The following NR2C2 variants were observed in gnomAD, a reference collection of about 807,000 sequenced individuals.
The protein encoded by NR2C2 is nuclear receptor subfamily 2 group C member 2.
Under a neutral mutation model 62.9 loss-of-function variants are expected in NR2C2, and 6 were observed. The ratio of observed to expected loss-of-function variants is 0.10; its 90% confidence interval spans 0.05 to 0.19. The LOEUF (loss-of-function observed/expected upper bound fraction) is 0.19. NR2C2 is among the 10% of genes least tolerant of loss of function. The probability of loss-of-function intolerance (pLI) is 1.00; values close to 1 mark genes in which losing one functional copy is unlikely to be tolerated. For missense variants in NR2C2, 479 were observed against 762.7 expected (o/e 0.63, Z 4.38); for synonymous variants, 272 against 273.8 (o/e 0.99, Z 0.07).
chr3:14,956,832 C>T lies in NR2C2; in HGVS notation c.-40+8926C>T, dbSNP rs945094091. Among the ~76,000 whole-genome samples, 9 of 152,342 alleles carry T rather than the reference C, an allele frequency of 5.9e-5. No homozygotes were observed. The East Asian group carries it at 1.2e-3, about 20-fold the overall frequency. On this transcript the variant is annotated intron_variant, in intron 1 of 13. Coordinates refer to ENST00000425241, the MANE Select transcript of NR2C2 (RefSeq NM_001291694.2). ...CTGGGATTACAGGCATGAGCCACCG[C>T]CCCGGCTGTGTGTGTGTTTACACTA...
intron 2 of NR2C2, among the ~76,000 whole-genome samples, chr3:15,012,139 A>T (rs1209113023): frequency 6.6e-6 from 1 of 152,058 alleles, no homozygotes; most frequent in African/African-American, 2.4e-5. Context: ...ATTTTGAGCC[A>T]GCCAACATTG....
At chr3:14,954,430 A>G (rs1003775604) in intron 1 of NR2C2, among the ~76,000 whole-genome samples, 1 of 152,226 alleles carries the variant, frequency 6.6e-6, no homozygotes, top group African/African-American at 2.4e-5. Context: ...GCATGTGTGA[A>G]AATGTTCATA....
intron 1 of NR2C2, among the ~76,000 whole-genome samples, chr3:14,977,477 C>G (rs1026631536): frequency 2.6e-5 from 4 of 152,036 alleles, no homozygotes; most frequent in Non-Finnish European, 5.9e-5. Context: ...ATTTTTATAG[C>G]AACTTTTTCT....
Position 15,002,645 on chromosome 3 carries a change from C to CTTTTTTT in NR2C2, c.-39-1207_-39-1201dup, listed in dbSNP as rs371981775. Among the ~76,000 whole-genome samples, 30 of 39,504 alleles carry CTTTTTTT rather than the reference C, an allele frequency of 7.6e-4. 6 individuals are homozygous for CTTTTTTT. The highest frequency in any genetic ancestry group is 1.7e-3 in the African/African-American group (20 of 11,628). The allele number at this position is 39,504 out of a possible 152,430, so 25.9% of individuals were successfully genotyped here. On this transcript the variant is annotated intron_variant, in intron 1 of 13. Transcript: ENST00000425241. ...TTTTTTGTGAAGTGTTCACAATATA[C>CTTTTTTT]TTTTTTTTTTTTTTTTTTTTTTTTT...
intron 1 of NR2C2, among the ~76,000 whole-genome samples, chr3:14,952,011 G>T (rs1448485155): frequency 1.3e-5 from 2 of 152,222 alleles, no homozygotes; most frequent in Non-Finnish European, 2.9e-5. Flanking sequence ...CTCCCAAAGT[G>T]CTGGGATTAC....
chr3:15,029,375 GT>G (rs146608093), intron 8 of NR2C2, among the ~76,000 whole-genome samples: 3,172 of 152,254 alleles, frequency 0.021, 47 homozygotes, highest in South Asian at 0.048. Flanking sequence ...TACTAAGGAT[GT>G]TTCTTCTCTG....
At chr3:14,959,679 A>G (rs566351179) in intron 1 of NR2C2, 2 of 152,324 alleles carry the variant, frequency 1.3e-5, no homozygotes, top group South Asian at 2.1e-4. Context: ...TTGCTGCTCA[A>G]TTCAAGTGTA....
At chr3:15,022,204 T>A (rs1286333587) in intron 5 of NR2C2, among the ~76,000 whole-genome samples, 1 of 152,220 alleles carries the variant, frequency 6.6e-6, no homozygotes, top group Admixed American at 6.5e-5. Context: ...CTAACATGCA[T>A]ATCTGCTCTT....
At chr3:14,988,065 G>A (rs2040558871) in intron 1 of NR2C2, among the ~76,000 whole-genome samples, 1 of 152,220 alleles carries the variant, frequency 6.6e-6, no homozygotes, top group East Asian at 1.9e-4. Flanking sequence ...ATGTGAGGAT[G>A]AAAAGATGCA....
At chr3:14,993,963 C>T (rs1031439926) in intron 1 of NR2C2, among the ~76,000 whole-genome samples, 20 of 152,132 alleles carry the variant, frequency 1.3e-4, no homozygotes, top group Non-Finnish European at 2.6e-4. Context: ...CCTGTGCTTT[C>T]CAGTAACTGT....
chr3:15,037,266 TCATGATGTTG>T (rs2042132397), intron 11 of NR2C2, among the ~76,000 whole-genome samples: 1 of 151,926 alleles, frequency 6.6e-6, no homozygotes, highest in Non-Finnish European at 1.5e-5. Context: ...AGACAGAGTC[TCATGATGTTG>T]CTCAAGCTGG....
chr3:14,955,729 C>T (rs2039505599), intron 1 of NR2C2, among the ~76,000 whole-genome samples: 1 of 152,178 alleles, frequency 6.6e-6, no homozygotes, highest in African/African-American at 2.4e-5. Flanking sequence ...TGCTTTCCTT[C>T]CATCCATCTA....
chr3:15,032,291 T>C (rs1283753831), intron 9 of NR2C2, 88 bp from the exon 10 acceptor site: 32 of 1,576,736 alleles, frequency 2.0e-5, no homozygotes, highest in South Asian at 4.5e-5. Context: ...GCCACTGCTA[T>C]TGAAGCATGA....
chr3:14,990,320 A>G (rs896427671), intron 1 of NR2C2, among the ~76,000 whole-genome samples: 1 of 152,194 alleles, frequency 6.6e-6, no homozygotes, highest in Non-Finnish European at 1.5e-5. Context: ...AGAGAGTTTA[A>G]CAGTGGCAGC....
intron 1 of NR2C2, among the ~76,000 whole-genome samples, chr3:14,980,778 T>C (rs2040344423): frequency 6.6e-6 from 1 of 152,106 alleles, no homozygotes; most frequent in Non-Finnish European, 1.5e-5. Flanking sequence ...ATTGCATAAA[T>C]GGATAAAGCT....
intron 3 of NR2C2, among the ~76,000 whole-genome samples, chr3:15,014,416 G>A (rs1215118751): frequency 1.3e-5 from 2 of 151,990 alleles, no homozygotes; most frequent in Non-Finnish European, 2.9e-5. Context: ...GAAACTCAAG[G>A]TCAGTATCCC....
chr3:15,016,026 T>G (rs2041501011), intron 3 of NR2C2, 126 bp from the exon 4 acceptor site: 1 of 670,422 alleles, frequency 1.5e-6, no homozygotes, highest in Admixed American at 2.4e-5. Flanking sequence ...GGTCTCGAAC[T>G]CCCGACCTCA....
intron 7 of NR2C2, among the ~76,000 whole-genome samples, chr3:15,027,397 T>C (rs945624386): frequency 6.6e-6 from 1 of 152,258 alleles, no homozygotes; most frequent in Non-Finnish European, 1.5e-5. Context: ...ACCAACTGTG[T>C]AGGAAGGTTC....
At chr3:14,970,649 G>A (rs921031351) in intron 1 of NR2C2, among the ~76,000 whole-genome samples, 1 of 152,126 alleles carries the variant, frequency 6.6e-6, no homozygotes, top group Admixed American at 6.5e-5. Context: ...TGTAGCATGT[G>A]TCATATGTTA....
Sources: gnomAD v4.1 joint callset for allele counts (sites outside exome capture counted in the v4.1 genomes callset) on GRCh38, gnomAD v4.1.1 for gene constraint, MANE v1.5 for transcripts, NCBI Gene and HGNC (gene_info 2026-07-23, HGNC 2026-07-21) for gene names.